The following AGMO variants were observed in gnomAD, a reference collection of about 807,000 sequenced individuals.
AGMO encodes alkylglycerol monooxygenase, also known as glyceryl-ether monooxygenase.
AGMO carries 75 observed loss-of-function variants against 60.2 expected under a neutral mutation model. The ratio of observed to expected loss-of-function variants is 1.25; its 90% CI spans 1.03 to 1.51. The LOEUF (loss-of-function observed/expected upper bound fraction) is 1.51. Among genes scored for constraint, AGMO ranks in the 40% most tolerant of loss-of-function variants. The pLI, the probability that AGMO is intolerant of heterozygous loss-of-function variation, is 0.00. For missense variants in AGMO, 763 were observed against 525.5 expected, an observed-to-expected ratio of 1.45 and a Z score of -4.42; for synonymous variants, 261 against 177.1, an observed-to-expected ratio of 1.47 and a Z score of -3.76.
chr7:15,261,031 G>T (rs566665698), intron 12 of AGMO, among the ~76,000 whole-genome samples: 1 of 152,092 alleles, frequency 6.6e-6, no homozygotes, highest in South Asian at 2.1e-4. Context: ...TAAGAGGAAG[G>T]TTTATAGCAT....
rs897680393 is a variant in AGMO, at chr7:15,220,231, T to C, written c.1264-18872A>G. ...GCCTTTTTTTTTTTTTTTTTTTTTT[T>C]CCTGGAGATGGAGTCTGGATCTGTT... On this transcript the variant is annotated intron_variant, in intron 12 of 12. Transcript: ENST00000342526. Among the ~76,000 whole-genome samples the C allele has an allele frequency of 1.2e-4, 18 of 147,480 alleles. No homozygotes were observed. In the South Asian group the frequency reaches 2.0e-3, roughly 16 times the overall value.
At chr7:15,186,711 C>T in the AGMO span, among the ~76,000 whole-genome samples, 1 of 152,128 alleles carries the variant, frequency 6.6e-6, no homozygotes, top group African/African-American at 2.4e-5. Context: ...AAAAGGTAAA[C>T]TAAAGGTTAG....
At chr7:15,205,923 A>C (rs1781428203) in intron 12 of AGMO, among the ~76,000 whole-genome samples, 1 of 152,166 alleles carries the variant, frequency 6.6e-6, no homozygotes, top group Admixed American at 6.5e-5. Flanking sequence ...TAATAGAACT[A>C]AAACAATCGC....
At chr7:15,338,858 T>C (rs1357291459) in intron 12 of AGMO, among the ~76,000 whole-genome samples, 1 of 152,190 alleles carries the variant, frequency 6.6e-6, no homozygotes, top group Non-Finnish European at 1.5e-5. Flanking sequence ...AACTACCCAG[T>C]GTCTTTATAT....
chr7:15,254,304 A>C lies in AGMO; in HGVS notation c.1264-52945T>G, dbSNP rs577494015. Among the ~76,000 whole-genome samples the C allele has an allele frequency of 3.9e-5, 6 of 152,250 alleles. No homozygotes were observed. In the South Asian group the frequency reaches 1.2e-3, roughly 32 times the overall value. On this transcript the variant is annotated intron_variant, in intron 12 of 12. Coordinates refer to ENST00000342526, the MANE Select transcript of AGMO (RefSeq NM_001004320.2). ...AGCTCTGTTTTTAACTTTTTGAGGA[A>C]CTTCTATACATTTTTTCATAATGGC...
the AGMO span, among the ~76,000 whole-genome samples, chr7:15,176,916 T>A: frequency 6.6e-6 from 1 of 151,934 alleles, no homozygotes; most frequent in South Asian, 2.1e-4. Context: ...GGACCAAGAG[T>A]CAAAAAGACA....
chr7:15,179,177 A>T, the AGMO span, among the ~76,000 whole-genome samples: 3 of 152,054 alleles, frequency 2.0e-5, no homozygotes, highest in Admixed American at 2.0e-4. Context: ...ATCCATCACA[A>T]TAGGGGCCAT....
chr7:15,485,408 A>C (rs1203964898), intron 3 of AGMO, among the ~76,000 whole-genome samples: 1 of 152,300 alleles, frequency 6.6e-6, no homozygotes, highest in East Asian at 1.9e-4. Context: ...GTGATTGTCA[A>C]CAATATCAGT....
intron 12 of AGMO, among the ~76,000 whole-genome samples, chr7:15,248,222 A>ATATATATATC (rs1554401294): frequency 4.8e-5 from 5 of 104,196 alleles, no homozygotes; most frequent in South Asian, 5.9e-4. Flanking sequence ...ATATATATAT[A>ATATATATATC]TATCTTCATC....
intron 12 of AGMO, among the ~76,000 whole-genome samples, chr7:15,303,406 G>A (rs1356915016): frequency 1.3e-5 from 2 of 151,254 alleles, no homozygotes; most frequent in Non-Finnish European, 2.9e-5. Context: ...TGTGTATTTG[G>A]CATCAAACAA....
At chr7:15,242,755 A>T (rs948238912) in intron 12 of AGMO, among the ~76,000 whole-genome samples, 1 of 152,194 alleles carries the variant, frequency 6.6e-6, no homozygotes, top group Non-Finnish European at 1.5e-5. Context: ...GGGAAAACAC[A>T]TGATAATCTT....
intron 12 of AGMO, among the ~76,000 whole-genome samples, chr7:15,239,209 G>C (rs1364532878): frequency 1.3e-5 from 2 of 152,102 alleles, no homozygotes; most frequent in Non-Finnish European, 2.9e-5. Context: ...ATCACAATGA[G>C]AGGTTTTGCA....
intron 2 of AGMO, among the ~76,000 whole-genome samples, chr7:15,552,371 G>A (rs897022616): frequency 6.6e-6 from 1 of 152,162 alleles, no homozygotes; most frequent in Non-Finnish European, 1.5e-5. Flanking sequence ...ACTACCATTA[G>A]AGTGAACAGG....
At position 15,322,717 on chromosome 7, in the gene AGMO, TATATAAATATATATATAAATATATAA is replaced by T. The variant is rs1276283125; in HGVS notation, c.1263+42771_1263+42796del. On this transcript the variant is annotated intron_variant, in intron 12 of 12. Coordinates refer to ENST00000342526, the MANE Select transcript of AGMO (RefSeq NM_001004320.2). ...ATGAATATGTATAAATATATATAAATATATAAATATATATATAAATATATAAATATATATAAATATATATATCACAA... is the reference window on the plus strand; with the variant it reads ...ATGAATATGTATAAATATATATAAATATATATATAAATATATATATCACAA... 7.3e-5 allele frequency among the ~76,000 whole-genome samples: 3 copies of T among 41,320 alleles called. No individual in the cohort carries two copies. In the East Asian group the frequency reaches 1.7e-3, roughly 24 times the overall value. 27.1% of individuals were successfully genotyped at this position (41,320 alleles called of 152,430 possible).
Position 15,262,999 on chromosome 7 carries a change from C to A in AGMO, c.1264-61640G>T, listed in dbSNP as rs79153961. Among the ~76,000 whole-genome samples the A allele has an allele frequency of 2.6e-5, 4 of 151,968 alleles. No homozygotes were observed. The South Asian group carries it at 8.3e-4, about 32-fold the overall frequency. ...TTCTAGAAGATAACATTGTAAAAAC[C>A]CTTCTAGACATTGGCTTAGGCAATG... On this transcript the variant is annotated intron_variant, in intron 12 of 12. Transcript: ENST00000342526.
chr7:15,224,879 A>G (rs909889693), intron 12 of AGMO, among the ~76,000 whole-genome samples: 2 of 152,072 alleles, frequency 1.3e-5, no homozygotes, highest in African/African-American at 4.8e-5. Flanking sequence ...TTCATATTGC[A>G]CATCTAGTGA....
intron 12 of AGMO, among the ~76,000 whole-genome samples, chr7:15,361,307 A>G (rs1233487204): frequency 6.6e-6 from 1 of 151,886 alleles, no homozygotes; most frequent in East Asian, 1.9e-4. Context: ...TGGGAGGCCA[A>G]GGCAGGCGGA....
chr7:15,429,904 G>A (rs1781178493), intron 4 of AGMO, among the ~76,000 whole-genome samples: 1 of 151,986 alleles, frequency 6.6e-6, no homozygotes, highest in Admixed American at 6.6e-5. Flanking sequence ...TATTTATGAT[G>A]ATCAGAAAAG....
chr7:15,447,674 G>A (rs1040714551), intron 3 of AGMO, among the ~76,000 whole-genome samples: 8 of 151,676 alleles, frequency 5.3e-5, no homozygotes, highest in Non-Finnish European at 1.2e-4. Flanking sequence ...CCTGAGCCTC[G>A]CAGGTAGCTG....
Sources: gnomAD v4.1 joint callset for allele counts (sites outside exome capture counted in the v4.1 genomes callset) on GRCh38, gnomAD v4.1.1 for gene constraint, MANE v1.5 for transcripts, NCBI Gene and HGNC (gene_info 2026-07-23, HGNC 2026-07-21) for gene names.